Variants in MIPOL1 observed in about 807,000 individuals in gnomAD.
MIPOL1 encodes the protein mirror-image polydactyly gene 1 protein.
A neutral mutation model predicts 60.9 loss-of-function variants in MIPOL1; 57 were observed. That is an observed-to-expected ratio of 0.94 (90% CI 0.76 to 1.17). The LOEUF is 1.17. Among genes scored for constraint, MIPOL1 ranks in the 50% most tolerant of loss-of-function variants. The pLI is 0.00. For missense variants in MIPOL1, 551 were observed against 511.6 expected, an observed-to-expected ratio of 1.08 and a Z score of -0.74; for synonymous variants, 179 against 168.8, an observed-to-expected ratio of 1.06 and a Z score of -0.47.
chr14:37,199,817 G>C (rs1283069180), intron 1 of MIPOL1, among the ~76,000 whole-genome samples: 1 of 152,116 alleles, frequency 6.6e-6, no homozygotes, highest in African/African-American at 2.4e-5. Context: ...GAACCATCGC[G>C]CCTGGCCATA....
At chr14:37,434,094 A>G (rs1212708066) in intron 11 of MIPOL1, among the ~76,000 whole-genome samples, 1 of 152,146 alleles carries the variant, frequency 6.6e-6, no homozygotes, top group Non-Finnish European at 1.5e-5. Flanking sequence ...TCTAGATCCT[A>G]GAGGAATCAC....
intron 12 of MIPOL1, among the ~76,000 whole-genome samples, chr14:37,541,924 T>C (rs1191515083): frequency 6.6e-6 from 1 of 152,200 alleles, no homozygotes; most frequent in Non-Finnish European, 1.5e-5. Context: ...TCCTTTCCCA[T>C]AGTCTATCAA....
intron 12 of MIPOL1, among the ~76,000 whole-genome samples, chr14:37,517,370 A>G (rs2095378050): frequency 6.6e-6 from 1 of 152,212 alleles, no homozygotes; most frequent in South Asian, 2.1e-4. Flanking sequence ...AGAACCATGT[A>G]ACTTTTGAAA....
chr14:37,228,571 C>T (rs891574797), intron 1 of MIPOL1, among the ~76,000 whole-genome samples: 1 of 151,988 alleles, frequency 6.6e-6, no homozygotes, highest in African/African-American at 2.4e-5. Context: ...GGCACCATGA[C>T]CCAGAGAATA....
chr14:37,219,251 C>T (rs1968334646), intron 1 of MIPOL1, among the ~76,000 whole-genome samples: 1 of 152,176 alleles, frequency 6.6e-6, no homozygotes, highest in Non-Finnish European at 1.5e-5. Flanking sequence ...AGAATTCTTG[C>T]TAAAACTGGA....
At chr14:37,312,808 TG>T (rs1195469986) in intron 9 of MIPOL1, among the ~76,000 whole-genome samples, 5 of 152,176 alleles carry the variant, frequency 3.3e-5, no homozygotes, top group African/African-American at 1.2e-4. Flanking sequence ...ATCATTTTTT[TG>T]GCCAATTCAC....
At chr14:37,531,280 C>T (rs2095477682) in intron 12 of MIPOL1, among the ~76,000 whole-genome samples, 1 of 152,080 alleles carries the variant, frequency 6.6e-6, no homozygotes, top group African/African-American at 2.4e-5. Flanking sequence ...TGTGCTTCAT[C>T]TATGCTGCTT....
intron 9 of MIPOL1, among the ~76,000 whole-genome samples, chr14:37,345,037 G>A (rs1315050913): frequency 2.6e-5 from 4 of 151,548 alleles, no homozygotes; most frequent in Non-Finnish European, 5.9e-5. Context: ...AAAAAATAGT[G>A]GACAATACTT....
At chr14:37,488,694 T>A (rs2094993060) in intron 11 of MIPOL1, among the ~76,000 whole-genome samples, 1 of 152,224 alleles carries the variant, frequency 6.6e-6, no homozygotes, top group Admixed American at 6.5e-5. Flanking sequence ...CCTTTGCTTA[T>A]GAAACTTCAT....
downstream of MIPOL1, chr14:37,551,639 G>A (rs1236369903): frequency 1.3e-5 from 2 of 151,950 alleles, no homozygotes; most frequent in East Asian, 1.9e-4. Flanking sequence ...TTGGGAGGCC[G>A]AGGCGGGCGG....
At chr14:37,444,388 A>G (rs1463418615) in intron 11 of MIPOL1, among the ~76,000 whole-genome samples, 1 of 152,190 alleles carries the variant, frequency 6.6e-6, no homozygotes, top group Non-Finnish European at 1.5e-5. Flanking sequence ...GACCCATGTA[A>G]ACGGAGAATT....
intron 10 of MIPOL1, among the ~76,000 whole-genome samples, chr14:37,407,928 C>T (rs2093619711): frequency 7.1e-6 from 1 of 140,292 alleles, no homozygotes; most frequent in Non-Finnish European, 1.5e-5. Flanking sequence ...TGGCTCACTG[C>T]AACCTGGAAC....
intron 12 of MIPOL1, among the ~76,000 whole-genome samples, 196 bp from the exon 13 acceptor site, chr14:37,546,709 T>A (rs2095548844): frequency 6.6e-6 from 1 of 152,030 alleles, no homozygotes; most frequent in Non-Finnish European, 1.5e-5. Flanking sequence ...GGTTAAAGTT[T>A]GTGTCGTTGC....
chr14:37,349,950 G>A (rs997404152), intron 9 of MIPOL1, among the ~76,000 whole-genome samples: 1 of 152,106 alleles, frequency 6.6e-6, no homozygotes, highest in South Asian at 2.1e-4. Context: ...TTTAAGCAGG[G>A]ATAAATTAGT....
chr14:37,271,184 A>G (rs553027257), intron 6 of MIPOL1, among the ~76,000 whole-genome samples: 58 of 152,162 alleles, frequency 3.8e-4, no homozygotes, highest in African/African-American at 1.3e-3. Context: ...ATGATTCACA[A>G]TAGTCTATGA....
At chr14:37,256,737 T>A (rs964816276) in intron 3 of MIPOL1, among the ~76,000 whole-genome samples, 2 of 110,432 alleles carry the variant, frequency 1.8e-5, no homozygotes, top group African/African-American at 2.8e-5. Flanking sequence ...CTCTTGAGAA[T>A]GCAGTAGAAA....
chr14:37,327,738 G>A (rs1452629724), intron 9 of MIPOL1, among the ~76,000 whole-genome samples: 2 of 152,074 alleles, frequency 1.3e-5, no homozygotes, highest in Non-Finnish European at 2.9e-5. Context: ...TGAACCAGAT[G>A]GTCTAGCACA....
At chr14:37,346,001 T>G (rs942870578) in intron 9 of MIPOL1, among the ~76,000 whole-genome samples, 12 of 152,194 alleles carry the variant, frequency 7.9e-5, no homozygotes, top group Non-Finnish European at 1.5e-4. Flanking sequence ...TTGTCCTGTC[T>G]CTTTTTATTT....
At chr14:37,409,424 A>G (rs1479860788) in intron 10 of MIPOL1, among the ~76,000 whole-genome samples, 1 of 152,204 alleles carries the variant, frequency 6.6e-6, no homozygotes, top group African/African-American at 2.4e-5. Context: ...TCTTACAAAA[A>G]AAGACAAAAA....
Sources: gnomAD v4.1 joint callset for allele counts (sites outside exome capture counted in the v4.1 genomes callset) on GRCh38, gnomAD v4.1.1 for gene constraint, MANE v1.5 for transcripts, NCBI Gene and HGNC (gene_info 2026-07-23, HGNC 2026-07-21) for gene names.